CTTNBP2: variants seen among roughly 807,000 people sequenced by gnomAD.
The protein encoded by CTTNBP2 is cortactin binding protein 2.
CTTNBP2 carries 108 observed loss-of-function variants against 156.9 expected under a neutral mutation model. The observed-to-expected ratio is 0.69, with a 90% CI of 0.59 to 0.81. The LOEUF (loss-of-function observed/expected upper bound fraction) is 0.81. Ranked by LOEUF, CTTNBP2 falls within the 30% of genes least tolerant of loss-of-function variation. The probability of loss-of-function intolerance (pLI) is 0.00; values close to 1 mark genes in which losing one functional copy is unlikely to be tolerated. For missense variants in CTTNBP2, 1,924 were observed against 2,035.4 expected (o/e 0.95, Z 1.05); for synonymous variants, 767 against 751.8 (o/e 1.02, Z -0.33).
intron 2 of CTTNBP2, among the ~76,000 whole-genome samples, chr7:117,855,846 A>G (rs957386343): frequency 6.6e-5 from 10 of 152,258 alleles, no homozygotes; most frequent in Admixed American, 5.2e-4. Flanking sequence ...AATTTTAAAT[A>G]TATAAAGCCA....
intron 2 of CTTNBP2, among the ~76,000 whole-genome samples, chr7:117,825,609 C>T (rs1801231505): frequency 6.6e-6 from 1 of 152,046 alleles, no homozygotes; most frequent in African/African-American, 2.4e-5. Flanking sequence ...GAGGGATGGG[C>T]TCAGAGGTCA....
chr7:117,853,241 A>C lies in CTTNBP2; in HGVS notation c.189+7968T>G, dbSNP rs186191619. 4.5e-3 allele frequency among the ~76,000 whole-genome samples: 690 copies of C among 152,272 alleles called. 6 individuals carry two copies. The highest frequency in any genetic ancestry group is 0.014 in the African/African-American group (583 of 41,562). ...GGATGGATGGAGGTGGCTGTAGAAA[A>C]GAAACTGTTTTAGTTTAAAATGATA... On this transcript the variant is annotated intron_variant, in intron 2 of 22. Coordinates refer to ENST00000160373, the MANE Select transcript of CTTNBP2 (RefSeq NM_033427.3).
rs1794983472 is a variant in CTTNBP2 at position 117,724,593 on chromosome 7, G to A, written c.4401C>T (p.Gly1467=). 6.2e-7 allele frequency: 1 copy of A among 1,613,938 alleles called. No individual in the cohort carries two copies. Among genetic ancestry groups the A allele is most frequent in the Admixed American group, 1.7e-5 (1 of 59,994 alleles). The change falls in exon 19 of 23, where the codon GGC becomes GGT. Residue 1467 remains glycine (G), a synonymous_variant. Coordinates refer to ENST00000160373, the MANE Select transcript of CTTNBP2 (RefSeq NM_033427.3). ...KVNTSPRRKS[G]RFSLPTWNKP... Reference sequence around the variant, plus strand: ...TATTCCAGGTGGGTAAAGAGAAGCGGCCAGACTTCCTGCGAGGACTGGTGT... The same window carrying A: ...TATTCCAGGTGGGTAAAGAGAAGCGACCAGACTTCCTGCGAGGACTGGTGT...
intron 1 of CTTNBP2, 143 bp downstream of exon 1, chr7:117,873,192 G>T: frequency 3.3e-6 from 2 of 598,574 alleles, no homozygotes; most frequent in Non-Finnish European, 4.9e-6. Context: ...TCCCGAGGAA[G>T]GGGGGCCCCG....
intron 19 of CTTNBP2, among the ~76,000 whole-genome samples, chr7:117,724,246 T>G (rs1354844559): frequency 6.6e-6 from 1 of 152,084 alleles, no homozygotes; most frequent in African/African-American, 2.4e-5. Flanking sequence ...TATGTAATAA[T>G]GCAATGATTA....
At chr7:117,797,885 A>G (rs934906146) in intron 3 of CTTNBP2, among the ~76,000 whole-genome samples, 2 of 152,180 alleles carry the variant, frequency 1.3e-5, no homozygotes, top group South Asian at 2.1e-4. Flanking sequence ...GAAGAAAAAT[A>G]TCTTGGAAGA....
chr7:117,739,717 T>C (rs1460789206), intron 14 of CTTNBP2, among the ~76,000 whole-genome samples: 1 of 152,142 alleles, frequency 6.6e-6, no homozygotes, highest in East Asian at 1.9e-4. Context: ...AAACAACCCC[T>C]CTTTTCCATG....
At chr7:117,758,513 G>C (rs1018033270) in intron 10 of CTTNBP2, among the ~76,000 whole-genome samples, 1 of 151,998 alleles carries the variant, frequency 6.6e-6, no homozygotes, top group African/African-American at 2.4e-5. Flanking sequence ...CCACTTCATA[G>C]GTATCTTCCC....
At chr7:117,810,642 A>G (rs1584468952) in intron 3 of CTTNBP2, 123 bp downstream of exon 3, 2 of 750,136 alleles carry the variant, frequency 2.7e-6, no homozygotes, top group Non-Finnish European at 4.6e-6. Flanking sequence ...AGCCTCTTGC[A>G]CTTCTAAGTA....
chr7:117,865,572 A>C (rs1468300161), intron 1 of CTTNBP2, among the ~76,000 whole-genome samples: 3 of 144,026 alleles, frequency 2.1e-5, no homozygotes, highest in Non-Finnish European at 3.0e-5. Flanking sequence ...GCTACTATGG[A>C]GGCTGTAGGT....
intron 11 of CTTNBP2, 62 bp downstream of exon 11, chr7:117,757,813 G>T: frequency 1.8e-6 from 2 of 1,084,744 alleles, no homozygotes; most frequent in Non-Finnish European, 2.7e-6. Context: ...AAGAACTGGT[G>T]CTCTGAGGCA....
At chr7:117,858,485 C>A (rs1276906908) in intron 2 of CTTNBP2, among the ~76,000 whole-genome samples, 1 of 152,192 alleles carries the variant, frequency 6.6e-6, no homozygotes, top group Non-Finnish European at 1.5e-5. Flanking sequence ...TATCTGTGGC[C>A]TTCAATAAGT....
At chr7:117,730,038 CTG>C (rs1425027678) in intron 16 of CTTNBP2, among the ~76,000 whole-genome samples, 1 of 152,160 alleles carries the variant, frequency 6.6e-6, no homozygotes, top group African/African-American at 2.4e-5. Context: ...GTCTATGTAA[CTG>C]TTACTAATTC....
intron 1 of CTTNBP2, among the ~76,000 whole-genome samples, chr7:117,868,246 T>A (rs557008248): frequency 6.6e-6 from 1 of 152,224 alleles, no homozygotes; most frequent in Non-Finnish European, 1.5e-5. Context: ...TAGTCTTGAT[T>A]ATCTGTAGGT....
chr7:117,856,116 A>C (rs1803298770), intron 2 of CTTNBP2, among the ~76,000 whole-genome samples: 1 of 152,156 alleles, frequency 6.6e-6, no homozygotes, highest in Non-Finnish European at 1.5e-5. Flanking sequence ...CTTCCATAGT[A>C]CTACAGCCAG....
intron 14 of CTTNBP2, among the ~76,000 whole-genome samples, chr7:117,740,489 TAGAG>T (rs571297643): frequency 6.8e-4 from 103 of 152,280 alleles, no homozygotes; most frequent in African/African-American, 2.2e-3. Context: ...GCTCTCTCTT[TAGAG>T]AAAATAAGGT....
At chr7:117,790,677 T>A (rs1389149894) in intron 4 of CTTNBP2, among the ~76,000 whole-genome samples, 1 of 152,084 alleles carries the variant, frequency 6.6e-6, no homozygotes, top group African/African-American at 2.4e-5. Flanking sequence ...CTAGTCAATT[T>A]GGTAATCCAA....
intron 8 of CTTNBP2, among the ~76,000 whole-genome samples, chr7:117,771,709 G>A (rs1797805808): frequency 6.6e-6 from 1 of 152,230 alleles, no homozygotes; most frequent in Non-Finnish European, 1.5e-5. Context: ...AGTACTTTTG[G>A]GCCACAGACT....
intron 2 of CTTNBP2, among the ~76,000 whole-genome samples, chr7:117,852,324 A>C (rs1802981323): frequency 6.6e-6 from 1 of 152,060 alleles, no homozygotes; most frequent in Non-Finnish European, 1.5e-5. Flanking sequence ...ATCAAATATG[A>C]AAAACTAAAA....
Sources: gnomAD v4.1 joint callset for allele counts (sites outside exome capture counted in the v4.1 genomes callset) on GRCh38, gnomAD v4.1.1 for gene constraint, MANE v1.5 for transcripts, NCBI Gene and HGNC (gene_info 2026-07-23, HGNC 2026-07-21) for gene names.